The following HS3ST3A1 variants were observed in gnomAD, a reference collection of about 807,000 sequenced individuals.
HS3ST3A1 encodes heparan sulfate glucosamine 3-O-sulfotransferase 3A1.
A neutral mutation model predicts 25.7 loss-of-function variants in HS3ST3A1; 19 were observed. The ratio of observed to expected loss-of-function variants is 0.74; its 90% CI spans 0.52 to 1.08. HS3ST3A1 has a LOEUF of 1.08. Ranked by LOEUF, HS3ST3A1 falls within the 50% of genes least tolerant of loss-of-function variation. The pLI is 0.00. For missense variants in HS3ST3A1, 459 were observed against 594.3 expected, an observed-to-expected ratio of 0.77 and a Z score of 2.37; for synonymous variants, 226 against 278.6, an observed-to-expected ratio of 0.81 and a Z score of 1.88.
chr17:13,547,457 T>C (rs1045476803), intron 1 of HS3ST3A1, among the ~76,000 whole-genome samples: 5 of 152,106 alleles, frequency 3.3e-5, no homozygotes, highest in African/African-American at 1.2e-4. Flanking sequence ...TAATCAACAA[T>C]GGCCAGTGAT....
rs1461690698 is a variant in HS3ST3A1 at position 13,495,413 on chromosome 17, AGG to A, written c.*782_*783del. On this transcript the variant is annotated 3_prime_UTR_variant, in exon 2 of 2. Coordinates refer to ENST00000284110, the MANE Select transcript of HS3ST3A1 (RefSeq NM_006042.3). Reference sequence around the variant, plus strand: ...CTATGTAATGAGACTGGGTGCCATGAGGGGTAGCCTGGGAATTTAGAAAACAA... The same window carrying A: ...CTATGTAATGAGACTGGGTGCCATGAGGTAGCCTGGGAATTTAGAAAACAA... 6.6e-6 allele frequency among the ~76,000 whole-genome samples: 1 copy of A among 152,144 alleles called. No homozygotes were observed. Among genetic ancestry groups the A allele is most frequent in the Non-Finnish European group, 1.5e-5 (1 of 68,026 alleles).
chr17:13,600,704 C>T lies in HS3ST3A1; in HGVS notation c.426G>A (p.Ala142=). The T allele has an allele frequency of 2.6e-6, 4 of 1,567,130 alleles. No homozygotes were observed. The highest frequency in any genetic ancestry group is 3.4e-6 in the Non-Finnish European group (4 of 1,164,016). The change falls in exon 1 of 2, where the codon GCG becomes GCA. Residue 142 remains alanine (A), a synonymous_variant. Coordinates refer to ENST00000284110, the MANE Select transcript of HS3ST3A1 (RefSeq NM_006042.3). ...GCTTGCTGCCTTCGTCCAGGAGCAG[C>T]GCCAGGGTCCCCGGCGGGGCCTCGG... ...TVAEAPPGTL[A]LLLDEGSKQL... is the part of the protein sequence containing the mutation.
At chr17:13,591,661 C>CT (rs34995100) in intron 1 of HS3ST3A1, among the ~76,000 whole-genome samples, 54,059 of 142,118 alleles carry the variant, frequency 0.38, 11,756 homozygotes, top group Admixed American at 0.51. Flanking sequence ...TTTTCTTCTT[C>CT]TTTTTTTTTT....
At chr17:13,591,197 C>T (rs1222819850) in intron 1 of HS3ST3A1, among the ~76,000 whole-genome samples, 1 of 151,858 alleles carries the variant, frequency 6.6e-6, no homozygotes, top group East Asian at 1.9e-4. Flanking sequence ...CAGGCATGGC[C>T]ACCACACCCG....
At chr17:13,549,910 T>C (rs1208961447) in intron 1 of HS3ST3A1, among the ~76,000 whole-genome samples, 1 of 152,230 alleles carries the variant, frequency 6.6e-6, no homozygotes, top group Non-Finnish European at 1.5e-5. Flanking sequence ...TAAACTTTCC[T>C]TTCCTGTAGA....
At chr17:13,507,094 AG>A (rs1473622037) in intron 1 of HS3ST3A1, among the ~76,000 whole-genome samples, 1 of 151,744 alleles carries the variant, frequency 6.6e-6, no homozygotes, top group Non-Finnish European at 1.5e-5. Flanking sequence ...AAACAAAAAA[AG>A]ATGTCAAAGT....
chr17:13,584,636 ACAATT>A (rs933879346), intron 1 of HS3ST3A1, among the ~76,000 whole-genome samples: 2 of 143,692 alleles, frequency 1.4e-5, no homozygotes, highest in African/African-American at 5.7e-5. Context: ...GATTAAAAAA[ACAATT>A]AATCATGCCA....
At chr17:13,542,123 T>A (rs747553566) in intron 1 of HS3ST3A1, among the ~76,000 whole-genome samples, 73 of 151,728 alleles carry the variant, frequency 4.8e-4, no homozygotes, top group Non-Finnish European at 1.5e-4. Context: ...AGGTTAGGAG[T>A]CTGAGACCAG....
intron 1 of HS3ST3A1, among the ~76,000 whole-genome samples, chr17:13,508,168 T>C (rs1905745997): frequency 1.3e-5 from 2 of 152,210 alleles, no homozygotes; most frequent in African/African-American, 2.4e-5. Context: ...GCGCCATTGA[T>C]AGCAGACTCC....
rs570211129 is a variant in HS3ST3A1, at chr17:13,560,289, C to CACAA, written c.599+40241_599+40242insTTGT. On this transcript the variant is annotated intron_variant, in intron 1 of 1. Transcript: ENST00000284110. The stretch of plus-strand genomic sequence containing the variant: ...TGGGCAACAGAGGGACACTCGTCTC[C>CACAA]AAAAAAAAAAAAAAAAAAAAAAAAA... Among the ~76,000 whole-genome samples, 5 of 17,374 alleles carry CACAA rather than the reference C, an allele frequency of 2.9e-4. 1 individual carries two copies. Among genetic ancestry groups the CACAA allele is most frequent in the African/African-American group, 8.5e-4 (5 of 5,884 alleles). 11.4% of individuals were successfully genotyped at this position (17,374 alleles called of 152,430 possible). A position where few individuals can be genotyped will look rare whatever the true frequency, so the allele number is the denominator to read the frequency against.
At chr17:13,525,684 A>G (rs1906390177) in intron 1 of HS3ST3A1, among the ~76,000 whole-genome samples, 2 of 152,134 alleles carry the variant, frequency 1.3e-5, no homozygotes, top group South Asian at 2.1e-4. Context: ...GATCCCTCCA[A>G]TTGACTCTGT....
At chr17:13,529,299 G>A (rs1173525571) in intron 1 of HS3ST3A1, among the ~76,000 whole-genome samples, 2 of 152,068 alleles carry the variant, frequency 1.3e-5, no homozygotes, top group Non-Finnish European at 2.9e-5. Flanking sequence ...GAAAGAAAAT[G>A]GCAGTTAATA....
At chr17:13,551,527 G>A (rs967758660) in intron 1 of HS3ST3A1, among the ~76,000 whole-genome samples, 3 of 149,846 alleles carry the variant, frequency 2.0e-5, no homozygotes, top group Non-Finnish European at 3.0e-5. Flanking sequence ...GTTCAGAAGG[G>A]GTTACTAGAT....
intron 1 of HS3ST3A1, among the ~76,000 whole-genome samples, chr17:13,573,894 A>G (rs1055655054): frequency 1.1e-4 from 16 of 152,194 alleles, no homozygotes; most frequent in African/African-American, 3.6e-4. Context: ...ATGTGAGAAT[A>G]CACAAGAAGA....
intron 1 of HS3ST3A1, among the ~76,000 whole-genome samples, chr17:13,508,500 A>G (rs1199661093): frequency 6.6e-6 from 1 of 152,212 alleles, no homozygotes; most frequent in Non-Finnish European, 1.5e-5. Context: ...TTCCCAAGCA[A>G]TTCCACACAT....
intron 1 of HS3ST3A1, among the ~76,000 whole-genome samples, chr17:13,579,213 C>T (rs778239901): frequency 2.6e-5 from 4 of 152,062 alleles, no homozygotes; most frequent in Admixed American, 6.5e-5. Context: ...CCATTTTGGA[C>T]GTCGATTTGG....
intron 1 of HS3ST3A1, among the ~76,000 whole-genome samples, chr17:13,555,520 G>T (rs554562304): frequency 2.8e-4 from 43 of 152,168 alleles, no homozygotes; most frequent in African/African-American, 1.0e-3. Flanking sequence ...GATCCCTGAG[G>T]GCCCCTTAGA....
rs1398078652 is a variant in HS3ST3A1 at position 13,601,095 on chromosome 17, G to A, written c.35C>T (p.Thr12Ile). 8 of 1,591,050 alleles carry A rather than the reference G, an allele frequency of 5.0e-6. No homozygotes were observed. In the Admixed American group the frequency reaches 1.4e-4, roughly 28 times the overall value. ...APPGPASALS[T>I]SAEPLSRSIF... The stretch of plus-strand genomic sequence containing the variant: ...GCTGCGGGACAGCGGCTCGGCCGAG[G>A]TGGAGAGGGCACTGGCCGGGCCCGG... Residue 12 changes from threonine to isoleucine, a missense_variant, in exon 1 of 2, where the codon ACC becomes ATC. Thr to Ile is a moderately conservative substitution (Grantham distance 89). Transcript: ENST00000284110.
At chr17:13,578,515 A>G (rs971002115) in intron 1 of HS3ST3A1, among the ~76,000 whole-genome samples, 1 of 149,752 alleles carries the variant, frequency 6.7e-6, no homozygotes, top group African/African-American at 2.5e-5. Flanking sequence ...GTGAGCCAAG[A>G]TCGTGCCACT....
Sources: allele counts gnomAD v4.1 joint callset (sites outside exome capture counted in the v4.1 genomes callset), GRCh38; gene constraint gnomAD v4.1.1; transcripts MANE v1.5; gene names NCBI Gene and HGNC (gene_info 2026-07-23, HGNC 2026-07-21).